TPD52: variants seen among roughly 807,000 people sequenced by gnomAD.
TPD52 encodes the protein prostate and colon associated protein.
Under a neutral mutation model 31.3 loss-of-function variants are expected in TPD52, and 17 were observed. The ratio of observed to expected loss-of-function variants is 0.54; its 90% CI spans 0.37 to 0.82. The LOEUF is 0.82. TPD52 is among the 40% of genes least tolerant of loss of function. TPD52 has a pLI of 0.00. For synonymous variants in TPD52, 83 were observed against 89.6 expected (o/e 0.93, Z 0.42); for missense variants, 212 against 240.1 (o/e 0.88, Z 0.77).
chr8:80,169,590 G>A (rs372395944), intron 1 of TPD52, among the ~76,000 whole-genome samples: 1 of 152,152 alleles, frequency 6.6e-6, no homozygotes, highest in South Asian at 2.1e-4. Flanking sequence ...CTCCACTCAC[G>A]TAAGTAAAAC....
intron 1 of TPD52, among the ~76,000 whole-genome samples, chr8:80,121,287 GC>G (rs1190624983): frequency 2.0e-5 from 3 of 151,924 alleles, no homozygotes; most frequent in African/African-American, 7.3e-5. Context: ...CAAAACTGCT[GC>G]CCTTTCACAG....
At chr8:80,082,112 G>GT in intron 1 of TPD52, among the ~76,000 whole-genome samples, 1 of 148,284 alleles carries the variant, frequency 6.7e-6, no homozygotes, top group Non-Finnish European at 1.5e-5. Flanking sequence ...CCGGACTATG[G>GT]TAAGTCTTTT....
chr8:80,141,844 A>C (rs895583126), intron 1 of TPD52, among the ~76,000 whole-genome samples: 5 of 152,088 alleles, frequency 3.3e-5, no homozygotes, highest in African/African-American at 1.2e-4. Context: ...CAGGAGGCAG[A>C]GGTTGCAGTG....
intron 1 of TPD52, among the ~76,000 whole-genome samples, chr8:80,105,729 CT>C (rs57266800): frequency 0.16 from 17,715 of 112,370 alleles, 1,627 homozygotes; most frequent in African/African-American, 0.39. Context: ...CCCAGGTCTG[CT>C]TTTTTTTTTT....
At chr8:80,101,358 G>A (rs1806718816) in intron 1 of TPD52, among the ~76,000 whole-genome samples, 1 of 145,894 alleles carries the variant, frequency 6.9e-6, no homozygotes, top group African/African-American at 2.5e-5. Flanking sequence ...TGAGGCAGGA[G>A]AATCACTGGA....
At chr8:80,118,421 T>C (rs944366727) in intron 1 of TPD52, among the ~76,000 whole-genome samples, 2 of 152,186 alleles carry the variant, frequency 1.3e-5, no homozygotes, top group African/African-American at 4.8e-5. Flanking sequence ...CAAAAAAAGA[T>C]AGATAAATTG....
At chr8:80,116,677 C>T (rs1282208949) in intron 1 of TPD52, among the ~76,000 whole-genome samples, 1 of 151,616 alleles carries the variant, frequency 6.6e-6, no homozygotes, top group African/African-American at 2.4e-5. Flanking sequence ...CTACCAAAAT[C>T]GGACAAAGAT....
chr8:80,147,838 GCA>G (rs146918401), intron 1 of TPD52, among the ~76,000 whole-genome samples: 26 of 148,032 alleles, frequency 1.8e-4, no homozygotes, highest in East Asian at 7.9e-4. Flanking sequence ...ACACACACAC[GCA>G]CACACACACA....
At chr8:80,046,578 A>C (rs976540644) in intron 5 of TPD52, among the ~76,000 whole-genome samples, 1 of 152,194 alleles carries the variant, frequency 6.6e-6, no homozygotes, top group African/African-American at 2.4e-5. Context: ...GTAAAAAGTC[A>C]TGTTGCTACG....
In TPD52 at chr8:80,133,116, C is replaced by T. The variant is rs190603373; in HGVS notation, c.19+38309G>A. The stretch of plus-strand genomic sequence containing the variant: ...CCTTGGATAGCTTACCTGGTCACTC[C>T]GGTCCTTTTTTCCTGCATTTGTAAA... On this transcript the variant is annotated intron_variant, in intron 1 of 7. Transcript: ENST00000518937. 7.4e-4 allele frequency among the ~76,000 whole-genome samples: 113 copies of T among 152,324 alleles called. 1 individual carries two copies. Among genetic ancestry groups the T allele is most frequent in the African/African-American group, 2.5e-3 (103 of 41,572 alleles).
intron 1 of TPD52, among the ~76,000 whole-genome samples, chr8:80,102,470 T>G (rs1333282838): frequency 2.6e-5 from 4 of 152,192 alleles, no homozygotes; most frequent in African/African-American, 9.7e-5. Flanking sequence ...TCACACAGAC[T>G]AAACCTGGTA....
At chr8:80,131,304 GAATT>G (rs140966641) in intron 1 of TPD52, among the ~76,000 whole-genome samples, 2,065 of 152,278 alleles carry the variant, frequency 0.014, 21 homozygotes, top group Middle Eastern at 0.021. Flanking sequence ...CTTCTACTAG[GAATT>G]AATAAACTAT....
At chr8:80,066,044 G>A (rs1415206638) in intron 1 of TPD52, among the ~76,000 whole-genome samples, 1 of 150,842 alleles carries the variant, frequency 6.6e-6, no homozygotes, top group Non-Finnish European at 1.5e-5. Context: ...CTACCCCCCA[G>A]GACCATTTCT....
intron 1 of TPD52, among the ~76,000 whole-genome samples, chr8:80,106,047 T>A (rs1807086987): frequency 6.6e-6 from 1 of 152,162 alleles, no homozygotes. Context: ...TGCTCTGAAC[T>A]TGGCAACCTA....
At chr8:80,067,899 G>C (rs1813337021) in intron 1 of TPD52, among the ~76,000 whole-genome samples, 1 of 151,834 alleles carries the variant, frequency 6.6e-6, no homozygotes, top group Non-Finnish European at 1.5e-5. Flanking sequence ...TTTCTTGTAT[G>C]TTCAGTAATG....
At chr8:80,152,792 A>AAAAAAAAAAAAAAC (rs1810673792) in intron 1 of TPD52, among the ~76,000 whole-genome samples, 1 of 151,230 alleles carries the variant, frequency 6.6e-6, no homozygotes, top group Non-Finnish European at 1.5e-5. Context: ...AAAAAAAAAA[A>AAAAAAAAAAAAAAC]AAAAAATGCC....
At chr8:80,116,220 C>G (rs1001028131) in intron 1 of TPD52, among the ~76,000 whole-genome samples, 1 of 152,114 alleles carries the variant, frequency 6.6e-6, no homozygotes, top group African/African-American at 2.4e-5. Flanking sequence ...AGTTATGGAA[C>G]ACTATGTGGT....
At chr8:80,136,427 G>A (rs1280555189) in intron 1 of TPD52, among the ~76,000 whole-genome samples, 1 of 149,310 alleles carries the variant, frequency 6.7e-6, no homozygotes, top group African/African-American at 2.4e-5. Context: ...AGGAGGCTGA[G>A]GCAGGAGAAT....
chr8:80,044,519 A>G (rs1810660741), intron 5 of TPD52, among the ~76,000 whole-genome samples: 1 of 152,206 alleles, frequency 6.6e-6, no homozygotes, highest in Non-Finnish European at 1.5e-5. Flanking sequence ...CGTAGGTCAC[A>G]GCAGAATCAA....
Sources: allele counts gnomAD v4.1 joint callset (sites outside exome capture counted in the v4.1 genomes callset), GRCh38; gene constraint gnomAD v4.1.1; transcripts MANE v1.5; gene names NCBI Gene and HGNC (gene_info 2026-07-23, HGNC 2026-07-21).